The following ADAMTSL1 variants were observed in gnomAD, a reference collection of about 807,000 sequenced individuals.
The protein encoded by ADAMTSL1 is ADAMTS like 1, also known as ADAMTS-like protein 1.
In ADAMTSL1, 126 loss-of-function variants were observed where a neutral mutation model predicts 201.8. The ratio of observed to expected loss-of-function variants is 0.62; its 90% CI spans 0.54 to 0.72. The LOEUF is 0.72. ADAMTSL1 is among the 30% of genes least tolerant of loss of function. The pLI, the probability that ADAMTSL1 is intolerant of heterozygous loss-of-function variation, is 0.00. For missense variants in ADAMTSL1, 2,679 were observed against 2,277.8 expected (o/e 1.18, Z -3.59); for synonymous variants, 1,121 against 903.4 (o/e 1.24, Z -4.32).
intron 1 of ADAMTSL1, among the ~76,000 whole-genome samples, chr9:18,029,554 C>A (rs906901832): frequency 5.3e-5 from 8 of 151,990 alleles, no homozygotes; most frequent in African/African-American, 1.4e-4. Flanking sequence ...AATGGGATCT[C>A]ATTAAACTAA....
intron 7 of ADAMTSL1, among the ~76,000 whole-genome samples, chr9:18,649,556 A>G (rs368344506): frequency 6.6e-6 from 1 of 151,954 alleles, no homozygotes; most frequent in Non-Finnish European, 1.5e-5. Context: ...TGATGTACAG[A>G]TGGGTTTTTG....
chr9:18,009,091 C>T (rs137932728), intron 1 of ADAMTSL1, among the ~76,000 whole-genome samples: 30 of 152,128 alleles, frequency 2.0e-4, no homozygotes, highest in African/African-American at 7.0e-4. Flanking sequence ...TTGTGTCATT[C>T]ATGCCCTTAC....
At chr9:18,710,661 GTT>G (rs1352571180) in intron 14 of ADAMTSL1, among the ~76,000 whole-genome samples, 1 of 79,642 alleles carries the variant, frequency 1.3e-5, no homozygotes, top group East Asian at 4.0e-4. Flanking sequence ...AAGGGCCTAA[GTT>G]TTGTTTTGTT....
At chr9:18,315,905 T>C (rs1586881646) in intron 2 of ADAMTSL1, among the ~76,000 whole-genome samples, 1 of 152,264 alleles carries the variant, frequency 6.6e-6, no homozygotes, top group Admixed American at 6.5e-5. Context: ...GCAATCCTAC[T>C]TCTCAGTATC....
intron 1 of ADAMTSL1, among the ~76,000 whole-genome samples, chr9:17,955,289 G>C (rs1369221814): frequency 6.6e-6 from 1 of 152,098 alleles, no homozygotes; most frequent in African/African-American, 2.4e-5. Context: ...TCTCTTCTGG[G>C]GACCCAGAAT....
intron 2 of ADAMTSL1, among the ~76,000 whole-genome samples, chr9:18,414,944 G>A (rs541310731): frequency 6.6e-6 from 1 of 152,270 alleles, no homozygotes; most frequent in Admixed American, 6.5e-5. Flanking sequence ...CAATTTACAG[G>A]GTTTAGGGTA....
intron 5 of ADAMTSL1, among the ~76,000 whole-genome samples, chr9:18,629,604 T>C (rs907106493): frequency 6.6e-6 from 1 of 152,172 alleles, no homozygotes; most frequent in Non-Finnish European, 1.5e-5. Context: ...TTGGTCATGG[T>C]GTATTATTCT....
At chr9:18,491,624 C>T (rs1022992382) in intron 1 of ADAMTSL1, among the ~76,000 whole-genome samples, 5 of 152,182 alleles carry the variant, frequency 3.3e-5, no homozygotes, top group Non-Finnish European at 7.3e-5. Context: ...GGCTCCTTAA[C>T]ATGATCATTT....
chr9:18,574,408 G>T, intron 4 of ADAMTSL1, 142 bp downstream of exon 4: 1 of 823,876 alleles, frequency 1.2e-6, no homozygotes, highest in Non-Finnish European at 2.0e-6. Flanking sequence ...GAAAATTAAG[G>T]TATGATTTCA....
At chr9:18,776,693 T>C in intron 18 of ADAMTSL1, 88 bp from the exon 19 acceptor site, 1 of 1,379,550 alleles carries the variant, frequency 7.2e-7, no homozygotes, top group East Asian at 2.6e-5. Context: ...GGCTCTTTCC[T>C]TTGCCCCTCT....
chr9:18,338,815 C>G (rs1835351459), intron 2 of ADAMTSL1, among the ~76,000 whole-genome samples: 1 of 152,128 alleles, frequency 6.6e-6, no homozygotes, highest in Non-Finnish European at 1.5e-5. Flanking sequence ...CTGTTGTTCC[C>G]TTCTTTGTGT....
At chr9:18,315,760 C>A (rs994715550) in intron 2 of ADAMTSL1, among the ~76,000 whole-genome samples, 1 of 152,214 alleles carries the variant, frequency 6.6e-6, no homozygotes, top group Admixed American at 6.5e-5. Flanking sequence ...CCTCAGCCAA[C>A]CTAGAGAGGG....
At chr9:18,450,291 T>G (rs956419817) in intron 2 of ADAMTSL1, among the ~76,000 whole-genome samples, 3 of 152,176 alleles carry the variant, frequency 2.0e-5, no homozygotes, top group African/African-American at 7.2e-5. Context: ...CATGATTGTA[T>G]ACATTTGTCA....
At chr9:18,732,438 T>C (rs1818267859) in intron 15 of ADAMTSL1, among the ~76,000 whole-genome samples, 1 of 152,150 alleles carries the variant, frequency 6.6e-6, no homozygotes. Flanking sequence ...GTGTGTTTTG[T>C]AAGTACCATA....
intron 24 of ADAMTSL1, among the ~76,000 whole-genome samples, chr9:18,888,877 C>T (rs79578908): frequency 6.6e-6 from 1 of 152,166 alleles, no homozygotes; most frequent in African/African-American, 2.4e-5. Flanking sequence ...GACAGGAAAA[C>T]AAATGTTTTC....
At chr9:18,813,539 C>T (rs1183888713) in intron 20 of ADAMTSL1, among the ~76,000 whole-genome samples, 2 of 152,160 alleles carry the variant, frequency 1.3e-5, no homozygotes, top group African/African-American at 2.4e-5. Context: ...ACATATTTCA[C>T]CTCCTTGGTT....
intron 2 of ADAMTSL1, among the ~76,000 whole-genome samples, chr9:18,367,119 G>A (rs763661135): frequency 6.6e-6 from 1 of 151,954 alleles, no homozygotes; most frequent in African/African-American, 2.4e-5. Flanking sequence ...CCTAGAAAAC[G>A]TGTATTTTTC....
intron 23 of ADAMTSL1, among the ~76,000 whole-genome samples, chr9:18,866,129 A>AAAAAAAAAAAAAAAAAAAAAAAAAAAAC (rs1827527915): frequency 6.6e-6 from 1 of 151,148 alleles, no homozygotes; most frequent in African/African-American, 2.5e-5. Context: ...AAAAAAAAAA[A>AAAAAAAAAAAAAAAAAAAAAAAAAAAAC]ATGACGGATA....
chr9:18,359,246 T>C (rs1422114979), intron 2 of ADAMTSL1, among the ~76,000 whole-genome samples: 1 of 152,188 alleles, frequency 6.6e-6, no homozygotes. Flanking sequence ...CCCTTCCCTC[T>C]ATCGGGGCCC....
Sources: gnomAD v4.1 joint callset for allele counts (sites outside exome capture counted in the v4.1 genomes callset) on GRCh38, gnomAD v4.1.1 for gene constraint, MANE v1.5 for transcripts, NCBI Gene and HGNC (gene_info 2026-07-23, HGNC 2026-07-21) for gene names.